The following COLEC10 variants were observed in gnomAD, a reference collection of about 807,000 sequenced individuals.
COLEC10 encodes the protein collectin-10.
COLEC10 carries 22 observed loss-of-function variants against 28.4 expected under a neutral mutation model. That is an observed-to-expected ratio of 0.78 (90% CI 0.55 to 1.11). The LOEUF is 1.11. Among genes scored for constraint, COLEC10 ranks in the 50% least tolerant of loss-of-function variants. The pLI is 0.00. For synonymous variants in COLEC10, 125 were observed against 116.1 expected (o/e 1.08, Z -0.49); for missense variants, 361 against 344.1 (o/e 1.05, Z -0.39).
intron 2 of COLEC10, among the ~76,000 whole-genome samples, chr8:119,062,196 G>A (rs1433137568): frequency 1.3e-5 from 2 of 151,928 alleles, no homozygotes; most frequent in Non-Finnish European, 2.9e-5. Flanking sequence ...AATATGTGTG[G>A]AAGATGTAGA....
At chr8:119,018,508 G>A (rs1287604967) in intron 2 of COLEC10, among the ~76,000 whole-genome samples, 1 of 152,152 alleles carries the variant, frequency 6.6e-6, no homozygotes, top group African/African-American at 2.4e-5. Flanking sequence ...TTAAAAGTTT[G>A]CACATTTGGC....
chr8:119,082,553 G>A (rs1258490006), intron 1 of COLEC10, among the ~76,000 whole-genome samples: 1 of 152,110 alleles, frequency 6.6e-6, no homozygotes, highest in African/African-American at 2.4e-5. Flanking sequence ...AAGTGAGAGG[G>A]GATTTCCCTC....
intron 1 of COLEC10, among the ~76,000 whole-genome samples, chr8:118,998,846 CAAA>C (rs567463648): frequency 3.9e-5 from 3 of 76,632 alleles, no homozygotes; most frequent in East Asian, 3.9e-4. Context: ...GACTCCGTCT[CAAA>C]AAAAAAAAAA....
intron 2 of COLEC10, among the ~76,000 whole-genome samples, chr8:119,034,042 C>T (rs1456863717): frequency 6.6e-6 from 1 of 152,200 alleles, no homozygotes; most frequent in Non-Finnish European, 1.5e-5. Context: ...CACATGTACA[C>T]AATGGTATAC....
rs1563733718 is a variant in COLEC10 at position 119,069,632 on chromosome 8, ATATATATATATAT to A, written c.148+2204_148+2216del. ...AAAAAAAAAAAAAAAAAAAAAAAAT[ATATATATATATAT>A]ATATATATATATATATGTAAACTGC... On this transcript the variant is annotated intron_variant, in intron 1 of 5. Coordinates refer to ENST00000332843, the MANE Select transcript of COLEC10 (RefSeq NM_006438.5). 6.7e-3 allele frequency among the ~76,000 whole-genome samples: 338 copies of A among 50,662 alleles called. 9 individuals are homozygous for A. The highest frequency in any genetic ancestry group is 0.031 in the African/African-American group (311 of 9,926). 33.2% of individuals were successfully genotyped at this position (50,662 alleles called of 152,430 possible).
the COLEC10 span, among the ~76,000 whole-genome samples, chr8:118,960,785 G>GAAAAAAAAA: frequency 4.1e-5 from 3 of 72,556 alleles, no homozygotes; most frequent in Admixed American, 1.8e-4. Context: ...GAGACTCTGT[G>GAAAAAAAAA]AAAAAAAAAA....
chr8:119,026,846 C>T (rs531533204), intron 2 of COLEC10, among the ~76,000 whole-genome samples: 1 of 152,148 alleles, frequency 6.6e-6, no homozygotes, highest in African/African-American at 2.4e-5. Context: ...GAAAGCCATA[C>T]CTTTGCAAAC....
At position 119,007,040 on chromosome 8, in the gene COLEC10, A is replaced by T. The variant is rs540206104; in HGVS notation, n.123-2401A>T. 6.6e-5 allele frequency among the ~76,000 whole-genome samples: 10 copies of T among 152,188 alleles called. No individual in the cohort carries two copies. In the East Asian group the frequency reaches 1.9e-3, roughly 29 times the overall value. ...AATTTTCCATTCTTCCTCTAGTTAT[A>T]CCTATGCAAGCTGGAAGTGGAGGAC... On this transcript the variant is annotated intron_variant and non_coding_transcript_variant, in intron 1 of 6. Coordinates refer to the COLEC10 transcript ENST00000521788.
At chr8:118,996,990 C>T (rs1813600910) in intron 1 of COLEC10, among the ~76,000 whole-genome samples, 2 of 152,280 alleles carry the variant, frequency 1.3e-5, no homozygotes, top group East Asian at 3.9e-4. Flanking sequence ...GGGATCCACC[C>T]CCATGACAAA....
At chr8:118,958,446 TG>T in the COLEC10 span, among the ~76,000 whole-genome samples, 3 of 152,362 alleles carry the variant, frequency 2.0e-5, no homozygotes, top group East Asian at 5.8e-4. Flanking sequence ...TTTTGCACAG[TG>T]GCACCAGAGG....
intron 2 of COLEC10, among the ~76,000 whole-genome samples, chr8:119,060,105 CCAT>C (rs1327611441): frequency 1.3e-5 from 2 of 151,990 alleles, no homozygotes; most frequent in Admixed American, 1.3e-4. Flanking sequence ...ACACCTGGGT[CCAT>C]ATGGAAGATT....
the COLEC10 span, among the ~76,000 whole-genome samples, chr8:118,977,848 T>G: frequency 1.8e-4 from 27 of 152,078 alleles, no homozygotes; most frequent in African/African-American, 5.8e-4. Context: ...TACTAGCAAG[T>G]GCTGTACCAG....
At chr8:119,058,059 CATT>C (rs1364665700) in intron 2 of COLEC10, among the ~76,000 whole-genome samples, 2 of 151,984 alleles carry the variant, frequency 1.3e-5, no homozygotes, top group African/African-American at 4.8e-5. Context: ...ACTGCCAAGA[CATT>C]ATATCAGGGC....
At chr8:119,076,259 ATTC>A (rs765728837) in intron 1 of COLEC10, among the ~76,000 whole-genome samples, 1 of 80,008 alleles carries the variant, frequency 1.2e-5, no homozygotes, top group African/African-American at 7.7e-5. Context: ...AGGACACAAA[ATTC>A]TTTTTTTTTT....
the COLEC10 span, among the ~76,000 whole-genome samples, chr8:118,989,239 C>T: frequency 2.0e-5 from 3 of 151,874 alleles, no homozygotes; most frequent in Non-Finnish European, 2.9e-5. Flanking sequence ...TCATTAGTAG[C>T]GTGGACATAG....
At chr8:118,979,811 T>C in the COLEC10 span, among the ~76,000 whole-genome samples, 1 of 152,136 alleles carries the variant, frequency 6.6e-6, no homozygotes, top group African/African-American at 2.4e-5. Flanking sequence ...TCTGTGAGGC[T>C]GCAGTCAAGC....
intron 2 of COLEC10, among the ~76,000 whole-genome samples, chr8:119,021,549 C>T (rs1232448585): frequency 6.6e-6 from 1 of 152,150 alleles, no homozygotes; most frequent in Non-Finnish European, 1.5e-5. Context: ...ATGGAATAGA[C>T]AGTGTTTCAT....
At chr8:119,030,802 T>C (rs1044999700) in intron 2 of COLEC10, among the ~76,000 whole-genome samples, 6 of 152,222 alleles carry the variant, frequency 3.9e-5, no homozygotes. Context: ...GCATGTCTTA[T>C]ATTAAAGACA....
At chr8:118,956,309 G>C in the COLEC10 span, among the ~76,000 whole-genome samples, 1 of 152,140 alleles carries the variant, frequency 6.6e-6, no homozygotes, top group Non-Finnish European at 1.5e-5. Flanking sequence ...AAAATGACAT[G>C]ATCATTTAAG....
Sources: allele counts gnomAD v4.1 joint callset (sites outside exome capture counted in the v4.1 genomes callset), GRCh38; gene constraint gnomAD v4.1.1; transcripts MANE v1.5; gene names NCBI Gene and HGNC (gene_info 2026-07-23, HGNC 2026-07-21).